Variants in TNR observed in about 807,000 individuals in gnomAD.
TNR encodes tenascin-R.
In TNR, 45 loss-of-function variants were observed where a neutral mutation model predicts 150.4. The observed-to-expected ratio is 0.30, with a 90% confidence interval of 0.24 to 0.38. TNR has a LOEUF of 0.38. TNR is among the 10% of genes least tolerant of loss of function. The pLI is 1.00. For missense variants in TNR, 1,544 were observed against 1,759.1 expected, an observed-to-expected ratio of 0.88 and a Z score of 2.19; for synonymous variants, 687 against 678.4, an observed-to-expected ratio of 1.01 and a Z score of -0.20.
At chr1:175,611,851 C>T (rs1488416105) in intron 1 of TNR, among the ~76,000 whole-genome samples, 1 of 152,158 alleles carries the variant, frequency 6.6e-6, no homozygotes, top group Admixed American at 6.5e-5. Flanking sequence ...TATAGCACAA[C>T]ATGATTAATC....
At chr1:175,598,710 A>G (rs887911874) in intron 1 of TNR, among the ~76,000 whole-genome samples, 6 of 152,194 alleles carry the variant, frequency 3.9e-5, no homozygotes, top group Non-Finnish European at 5.9e-5. Flanking sequence ...TTCTAGAAGG[A>G]CAGAATATGG....
chr1:175,384,676 C>T (rs116368830), intron 8 of TNR, among the ~76,000 whole-genome samples: 284 of 152,330 alleles, frequency 1.9e-3, no homozygotes, highest in Non-Finnish European at 3.5e-3. Context: ...TTCTGTTCCC[C>T]TCTCTCGTGG....
Position 175,365,207 on chromosome 1 carries a change from G to A in TNR, c.2390C>T (p.Pro797Leu). Residue 797 changes from proline to leucine, a missense_variant, in exon 12 of 23, where the codon CCA (proline) becomes CTA (leucine). Transcript: ENST00000367674. ...SSSVNITWSD[P>L]SPPADRLILN... ...AATGAGTCTGTCTGCTGGGGGAGAT[G>A]GATCACTCCAAGTGATGTTCACACT... 6.2e-7 allele frequency: 1 copy of A among 1,614,056 alleles called. No homozygotes were observed. Among genetic ancestry groups the A allele is most frequent in the Non-Finnish European group, 8.5e-7 (1 of 1,179,982 alleles).
chr1:175,683,266 C>T lies in TNR; in HGVS notation c.-165+59960G>A, dbSNP rs573034349. ...ATGAGATTAAAGACCTCACGGAGAT[C>T]TAATCAAGAAAGATAACAAAGGCTT... On this transcript the variant is annotated intron_variant, in intron 1 of 22. Transcript: ENST00000367674. 3.3e-5 allele frequency among the ~76,000 whole-genome samples: 5 copies of T among 152,250 alleles called. No individual in the cohort carries two copies. The South Asian group carries it at 1.0e-3, about 32-fold the overall frequency.
At chr1:175,637,503 G>A (rs1664522554) in intron 1 of TNR, among the ~76,000 whole-genome samples, 1 of 152,090 alleles carries the variant, frequency 6.6e-6, no homozygotes. Context: ...AGGGGAGATA[G>A]GACTGATTTA....
chr1:175,652,733 A>T (rs60958695), intron 1 of TNR, among the ~76,000 whole-genome samples: 2,334 of 152,278 alleles, frequency 0.015, 60 homozygotes, highest in African/African-American at 0.054. Flanking sequence ...GAGGCCTTCC[A>T]GTCGTGCTTC....
chr1:175,340,292 C>T (rs1650459760), intron 18 of TNR, among the ~76,000 whole-genome samples: 1 of 152,100 alleles, frequency 6.6e-6, no homozygotes, highest in South Asian at 2.1e-4. Context: ...CTTGCCTTCC[C>T]TTTGACAAAT....
chr1:175,386,184 C>T lies in TNR; in HGVS notation c.1625G>A (p.Gly542Asp). The change falls in exon 8 of 23, where the codon GGC becomes GAC. Residue 542 changes from glycine (G) to aspartate (D), a missense_variant. This residue lies in a region of TNR where 1,254 missense variants were observed against 1,329.4 expected (regional missense o/e 0.94). Transcript: ENST00000367674. The stretch of plus-strand genomic sequence containing the variant: ...GAAGGTGGTCCTCCCACCTTCCCCG[C>T]CCACCAGGCCATATTTCAAAAGAAT... ...DFILLKYGLV[G>D]GEGGRTTFRL... 2.5e-6 allele frequency: 4 copies of T among 1,612,518 alleles called. No individual in the cohort carries two copies. The highest frequency in any genetic ancestry group is 3.4e-6 in the Non-Finnish European group (4 of 1,178,772).
At chr1:175,703,890 G>T (rs750926887) in intron 1 of TNR, among the ~76,000 whole-genome samples, 1 of 152,134 alleles carries the variant, frequency 6.6e-6, no homozygotes, top group Non-Finnish European at 1.5e-5. Flanking sequence ...TGCCAATGTA[G>T]GCCCCAAGAC....
At chr1:175,659,589 G>A (rs1268601723) in intron 1 of TNR, among the ~76,000 whole-genome samples, 1 of 152,170 alleles carries the variant, frequency 6.6e-6, no homozygotes, top group Non-Finnish European at 1.5e-5. Context: ...GATCTTGGCA[G>A]CAAGACCCCA....
intron 2 of TNR, among the ~76,000 whole-genome samples, chr1:175,411,251 G>A (rs146838733): frequency 2.6e-5 from 4 of 152,142 alleles, no homozygotes; most frequent in African/African-American, 7.2e-5. Flanking sequence ...AGGTACAAGC[G>A]GAAACACAAC....
At chr1:175,584,119 A>G (rs1011541358) in intron 1 of TNR, among the ~76,000 whole-genome samples, 4 of 152,198 alleles carry the variant, frequency 2.6e-5, no homozygotes, top group African/African-American at 4.8e-5. Context: ...CTAATCCCCA[A>G]TGCCTCAGAA....
chr1:175,467,256 T>G (rs985402711), intron 2 of TNR, among the ~76,000 whole-genome samples: 1 of 151,536 alleles, frequency 6.6e-6, no homozygotes, highest in Admixed American at 6.6e-5. Flanking sequence ...CAAGGCAGCT[T>G]CTCGCTCTGC....
At chr1:175,347,118 G>C (rs1650831472) in intron 18 of TNR, among the ~76,000 whole-genome samples, 1 of 152,070 alleles carries the variant, frequency 6.6e-6, no homozygotes, top group African/African-American at 2.4e-5. Context: ...TCATATTCAG[G>C]AGAGATTTCT....
At position 175,337,749 on chromosome 1, in the gene TNR, T is replaced by C. The variant is rs897292059; in HGVS notation, c.3383-70A>G. 3.9e-6 allele frequency: 6 copies of C among 1,554,258 alleles called. No homozygotes were observed. In the African/African-American group the frequency reaches 5.4e-5, roughly 14 times the overall value. On this transcript the variant is annotated intron_variant, in intron 18 of 22. Transcript: ENST00000367674. ...CAGTGCACAAGAGCTCCTTGGATCA[T>C]AGAAGGTCTTAGCAGGCCTCCTGGT...
chr1:175,566,582 C>T (rs994317921), intron 1 of TNR, among the ~76,000 whole-genome samples: 9 of 152,232 alleles, frequency 5.9e-5, no homozygotes, highest in Admixed American at 5.2e-4. Flanking sequence ...GGGGGTTCAG[C>T]TGGAAGGGGA....
At chr1:175,394,572 T>C (rs1287247585) in intron 5 of TNR, among the ~76,000 whole-genome samples, 1 of 152,216 alleles carries the variant, frequency 6.6e-6, no homozygotes, top group African/African-American at 2.4e-5. Flanking sequence ...TTTTGTGAGA[T>C]GGAAGTGTGC....
intron 1 of TNR, among the ~76,000 whole-genome samples, chr1:175,601,082 G>A (rs189855163): frequency 1.3e-3 from 203 of 152,318 alleles, no homozygotes; most frequent in African/African-American, 4.3e-3. Context: ...ATTTATATGT[G>A]TGCCAAAATA....
At position 175,393,796 on chromosome 1, in the gene TNR, AT is replaced by A; in HGVS notation, c.1339del (p.Ile447SerfsTer12). ...GAGTGTTACCTTTGGAATGAAGCTGATTTCCCACCCATCGAAGGAAAATGAG... is the reference window on the plus strand; with the variant it reads ...GAGTGTTACCTTTGGAATGAAGCTGATTCCCACCCATCGAAGGAAAATGAG... ...PFSFSFDGWE[I>X]SFIPKNNEGG... On this transcript the variant is annotated frameshift_variant, in exon 6 of 23. Coordinates refer to ENST00000367674, the MANE Select transcript of TNR (RefSeq NM_003285.3). LOFTEE classifies it high-confidence loss of function. 6.2e-7 allele frequency: 1 copy of A among 1,613,872 alleles called. No individual in the cohort carries two copies. The highest frequency in any genetic ancestry group is 8.5e-7 in the Non-Finnish European group (1 of 1,179,730).
Sources: gnomAD v4.1 joint callset for allele counts (sites outside exome capture counted in the v4.1 genomes callset) on GRCh38, gnomAD v4.1.1 for gene constraint, gnomAD v4.1.1 regional missense constraint, MANE v1.5 for transcripts, NCBI Gene and HGNC (gene_info 2026-07-23, HGNC 2026-07-21) for gene names.